The following PRELID2 variants were observed in gnomAD, a reference collection of about 807,000 sequenced individuals.
PRELID2 encodes the protein PRELI domain containing 2.
A neutral mutation model predicts 28.4 loss-of-function variants in PRELID2; 25 were observed. The observed-to-expected ratio is 0.88, with a 90% confidence interval of 0.64 to 1.23. The LOEUF is 1.23. PRELID2 is among the 50% of genes most tolerant of loss of function. The pLI, the probability that PRELID2 is intolerant of heterozygous loss-of-function variation, is 0.00. For synonymous variants in PRELID2, 76 were observed against 71.6 expected, an observed-to-expected ratio of 1.06 and a Z score of -0.31; for missense variants, 201 against 214.4, an observed-to-expected ratio of 0.94 and a Z score of 0.39.
chr5:145,506,724 T>A (rs1464537011), intron 1 of PRELID2, among the ~76,000 whole-genome samples: 1 of 152,084 alleles, frequency 6.6e-6, no homozygotes, highest in Non-Finnish European at 1.5e-5. Context: ...AGATATATAA[T>A]CCTATTAAGG....
At chr5:145,820,519 C>A (rs911026208) in intron 2 of PRELID2, among the ~76,000 whole-genome samples, 4 of 152,140 alleles carry the variant, frequency 2.6e-5, no homozygotes, top group African/African-American at 9.7e-5. Context: ...AGAGGGAGAA[C>A]CTGATGCTGC....
the PRELID2 span, among the ~76,000 whole-genome samples, chr5:145,444,764 C>G: frequency 2.6e-5 from 4 of 151,874 alleles, no homozygotes; most frequent in South Asian, 8.3e-4. Context: ...ACTGAGTGCC[C>G]GTTCGTCCAC....
At chr5:145,414,833 G>T in the PRELID2 span, among the ~76,000 whole-genome samples, 1 of 152,152 alleles carries the variant, frequency 6.6e-6, no homozygotes, top group Non-Finnish European at 1.5e-5. Flanking sequence ...AATGGCATAG[G>T]CAGAATGATT....
At chr5:145,502,010 A>G (rs1246859163) in intron 1 of PRELID2, among the ~76,000 whole-genome samples, 5 of 152,142 alleles carry the variant, frequency 3.3e-5, no homozygotes, top group African/African-American at 1.2e-4. Context: ...ACTGTCTAGC[A>G]GAGGCAGACT....
intron 1 of PRELID2, among the ~76,000 whole-genome samples, chr5:145,552,765 T>C (rs184132228): frequency 1.1e-4 from 17 of 152,320 alleles, no homozygotes; most frequent in Admixed American, 7.8e-4. Context: ...ATCAACACAA[T>C]TGACTGTATC....
At chr5:145,393,984 G>A in the PRELID2 span, among the ~76,000 whole-genome samples, 1 of 152,094 alleles carries the variant, frequency 6.6e-6, no homozygotes, top group Non-Finnish European at 1.5e-5. Context: ...CTGTTGGTGG[G>A]ACTGTAAACT....
intron 1 of PRELID2, among the ~76,000 whole-genome samples, chr5:145,680,838 T>G (rs1259704813): frequency 6.6e-6 from 1 of 151,528 alleles, no homozygotes; most frequent in African/African-American, 2.4e-5. Context: ...AGACTGGGTA[T>G]GGGAGAAAGT....
At chr5:145,458,215 A>G in the PRELID2 span, among the ~76,000 whole-genome samples, 1 of 152,228 alleles carries the variant, frequency 6.6e-6, no homozygotes, top group East Asian at 1.9e-4. Context: ...ACATTTATGT[A>G]TAAGGATACT....
chr5:145,518,624 A>G (rs1335982795), intron 1 of PRELID2, among the ~76,000 whole-genome samples: 1 of 152,234 alleles, frequency 6.6e-6, no homozygotes, highest in Non-Finnish European at 1.5e-5. Flanking sequence ...GAGGATTAAC[A>G]TTTATGGTTA....
intron 1 of PRELID2, among the ~76,000 whole-genome samples, chr5:145,823,643 TAC>T (rs1754979633): frequency 6.6e-6 from 1 of 152,324 alleles, no homozygotes; most frequent in East Asian, 1.9e-4. Flanking sequence ...GCCTGTTTAA[TAC>T]AGAGTGGACC....
Position 145,498,631 on chromosome 5 carries a change from C to A in PRELID2, n.71-25316G>T, listed in dbSNP as rs150228822. 4.0e-4 allele frequency among the ~76,000 whole-genome samples: 61 copies of A among 152,190 alleles called. No homozygotes were observed. In the East Asian group the frequency reaches 9.7e-3, roughly 24 times the overall value. On this transcript the variant is annotated intron_variant and non_coding_transcript_variant, in intron 1 of 2. Coordinates refer to the PRELID2 transcript ENST00000510259. ...TGTAACCTCCGCCTCCCGGTTCAAG[C>A]GATTCTCCTGCCTCAGCCTCCTGAG...
chr5:145,447,257 T>C, the PRELID2 span, among the ~76,000 whole-genome samples: 1 of 151,736 alleles, frequency 6.6e-6, no homozygotes, highest in African/African-American at 2.4e-5. Context: ...ACAGTCAAAA[T>C]CCATCAGTGT....
At position 145,758,411 on chromosome 5, in the gene PRELID2, C is replaced by T. The variant is rs1331132609; in HGVS notation, c.*2125G>A. On this transcript the variant is annotated 3_prime_UTR_variant, in exon 7 of 7. Transcript: ENST00000683046. ...AAGTCACTGTAGTGTTCTTAGCTGC[C>T]CACTGGAACTACCAAAGGAGTTTTT... Among the ~76,000 whole-genome samples the T allele has an allele frequency of 6.6e-6, 1 of 151,798 alleles. No individual in the cohort carries two copies. The highest frequency in any genetic ancestry group is 1.5e-5 in the Non-Finnish European group (1 of 67,966).
At chr5:145,683,778 A>G (rs934206809) in intron 1 of PRELID2, among the ~76,000 whole-genome samples, 1 of 152,222 alleles carries the variant, frequency 6.6e-6, no homozygotes, top group Non-Finnish European at 1.5e-5. Flanking sequence ...AGTTCAACCT[A>G]TAACGACCAG....
At chr5:145,288,213 A>G in the PRELID2 span, among the ~76,000 whole-genome samples, 3 of 152,174 alleles carry the variant, frequency 2.0e-5, no homozygotes, top group Admixed American at 6.6e-5. Context: ...TTTAAGAGGT[A>G]GAAAGTTATG....
At chr5:145,673,801 G>A (rs901232226) in intron 1 of PRELID2, among the ~76,000 whole-genome samples, 12 of 151,980 alleles carry the variant, frequency 7.9e-5, no homozygotes, top group African/African-American at 2.7e-4. Flanking sequence ...CTGTTTACAA[G>A]GACAATAACT....
intron 5 of PRELID2, among the ~76,000 whole-genome samples, chr5:145,766,333 T>A (rs893341286): frequency 6.6e-6 from 1 of 152,118 alleles, no homozygotes; most frequent in Non-Finnish European, 1.5e-5. Flanking sequence ...CAGAGCTCTA[T>A]GCCCTTAAGA....
At chr5:145,373,430 ATAT>A in the PRELID2 span, among the ~76,000 whole-genome samples, 1 of 48,638 alleles carries the variant, frequency 2.1e-5, no homozygotes, top group African/African-American at 9.0e-5. Flanking sequence ...AATATATATG[ATAT>A]TATATATTAC....
chr5:145,469,246 A>G (rs1752030505), downstream of PRELID2, among the ~76,000 whole-genome samples: 1 of 152,064 alleles, frequency 6.6e-6, no homozygotes, highest in Non-Finnish European at 1.5e-5. Flanking sequence ...AATACTATCT[A>G]GATATAGTCA....
Sources: gnomAD v4.1 joint callset for allele counts (sites outside exome capture counted in the v4.1 genomes callset) on GRCh38, gnomAD v4.1.1 for gene constraint, MANE v1.5 for transcripts, NCBI Gene and HGNC (gene_info 2026-07-23, HGNC 2026-07-21) for gene names.